The following OR2L3 variants were observed in gnomAD, a reference collection of about 807,000 sequenced individuals.
OR2L3 encodes olfactory receptor 2L3.
For missense variants in OR2L3, 369 were observed against 376.6 expected, an observed-to-expected ratio of 0.98 and a Z score of 0.17; for synonymous variants, 131 against 139.1, an observed-to-expected ratio of 0.94 and a Z score of 0.41.
intron 1 of OR2L3, among the ~76,000 whole-genome samples, chr1:248,053,015 G>A (rs1418207254): frequency 6.6e-6 from 1 of 151,884 alleles, no homozygotes; most frequent in Non-Finnish European, 1.5e-5. Context: ...ATGGGTAAAC[G>A]TGTGCCATGG....
intron 1 of OR2L3, among the ~76,000 whole-genome samples, chr1:248,048,264 TCCTTTACA>T (rs1337529608): frequency 1.3e-5 from 2 of 152,210 alleles, no homozygotes; most frequent in African/African-American, 4.8e-5. Flanking sequence ...TATTCTTTAC[TCCTTTACA>T]CCTTAAAGAG....
chr1:248,061,318 A>T lies in OR2L3; in HGVS notation c.637A>T (p.Ile213Phe). ...TIFLVFPFIA[I>F]SCSYGRVLLA... ...CTTTCTCGTGTTTCCCTTCATTGCTATTTCATGTTCCTATGGCCGGGTTCT... is the reference window on the plus strand; with the variant it reads ...CTTTCTCGTGTTTCCCTTCATTGCTTTTTCATGTTCCTATGGCCGGGTTCT... Residue 213 changes from isoleucine to phenylalanine, a missense_variant, in exon 2 of 2, where the codon ATT (isoleucine) becomes TTT (phenylalanine). Physicochemically the swap from Ile to Phe is conservative, Grantham distance 21. Transcript: ENST00000359959. The T allele has an allele frequency of 6.2e-7, 1 of 1,613,534 alleles. No homozygotes were observed. The highest frequency in any genetic ancestry group is 8.5e-7 in the Non-Finnish European group (1 of 1,179,942).
intron 1 of OR2L3, among the ~76,000 whole-genome samples, chr1:248,051,529 G>C (rs1034913277): frequency 4.1e-4 from 62 of 152,178 alleles, no homozygotes; most frequent in African/African-American, 1.3e-3. Flanking sequence ...TGGGAGCTAA[G>C]CATTGGGTAC....
chr1:248,051,372 A>C (rs1284474583), intron 1 of OR2L3: 1 of 152,210 alleles, frequency 6.6e-6, no homozygotes, highest in Non-Finnish European at 1.5e-5. Context: ...TATACATACT[A>C]TATTTATATT....
chr1:248,059,325 C>T (rs1025799388), intron 1 of OR2L3, among the ~76,000 whole-genome samples: 5 of 152,168 alleles, frequency 3.3e-5, no homozygotes, highest in Admixed American at 6.5e-5. Context: ...GAGTTTCTAA[C>T]GCACCTCTAC....
chr1:248,056,034 C>G (rs919986883), intron 1 of OR2L3: 14 of 152,122 alleles, frequency 9.2e-5, no homozygotes, highest in African/African-American at 3.4e-4. Context: ...TCCATTTCTT[C>G]TAGATTTTCC....
chr1:248,060,350 A>C (rs533700262), intron 1 of OR2L3, among the ~76,000 whole-genome samples: 1 of 152,334 alleles, frequency 6.6e-6, no homozygotes, highest in East Asian at 1.9e-4. Context: ...AAAATAGGTA[A>C]GAAGTCAGAT....
chr1:248,058,743 T>C (rs1484329977), intron 1 of OR2L3, among the ~76,000 whole-genome samples: 2 of 151,996 alleles, frequency 1.3e-5, no homozygotes, highest in Non-Finnish European at 2.9e-5. Flanking sequence ...AGAAAATTTT[T>C]AAAGAATATT....
chr1:248,060,895 T>C lies in OR2L3; in HGVS notation c.214T>C (p.Tyr72His). 1 of 1,613,944 alleles carries C rather than the reference T, an allele frequency of 6.2e-7. No homozygotes were observed. Among genetic ancestry groups the C allele is most frequent in the South Asian group, 1.1e-5 (1 of 91,082 alleles). ...TCAGCTCTCCCTCATTGACCTAAAT[T>C]ACATCTCCACCATTGTTCCTAAGAT... Reference protein sequence around the residue: ...LSQLSLIDLNYISTIVPKMAS... With the variant: ...LSQLSLIDLNHISTIVPKMAS... The change falls in exon 2 of 2, where the codon TAC becomes CAC. Residue 72 changes from tyrosine to histidine, a missense_variant. Tyr to His is a moderately conservative substitution (Grantham distance 83). Coordinates refer to ENST00000359959, the MANE Select transcript of OR2L3 (RefSeq NM_001004687.2).
chr1:248,061,424 C>T lies in OR2L3; in HGVS notation c.743C>T (p.Thr248Ile). ...TGCAGCACCCACCTCACTGTAGTAACTTTCTACTATGCACCTTTTGTCTAC... is the reference window on the plus strand; with the variant it reads ...TGCAGCACCCACCTCACTGTAGTAATTTTCTACTATGCACCTTTTGTCTAC... ...LTCSTHLTVV[T>I]FYYAPFVYTY... Residue 248 changes from threonine (T) to isoleucine (I), a missense_variant, in exon 2 of 2, where the codon ACT becomes ATT. Coordinates refer to ENST00000359959, the MANE Select transcript of OR2L3 (RefSeq NM_001004687.2). 2 of 1,614,084 alleles carry T rather than the reference C, an allele frequency of 1.2e-6. No individual in the cohort carries two copies. The highest frequency in any genetic ancestry group is 8.5e-7 in the Non-Finnish European group (1 of 1,180,004).
chr1:248,049,812 T>G (rs1159668968), intron 1 of OR2L3, among the ~76,000 whole-genome samples: 1 of 152,176 alleles, frequency 6.6e-6, no homozygotes, highest in Non-Finnish European at 1.5e-5. Flanking sequence ...GCCAAAAAAT[T>G]TTGAGGGATG....
At chr1:248,053,865 T>G (rs1663351994) in intron 1 of OR2L3, among the ~76,000 whole-genome samples, 1 of 152,226 alleles carries the variant, frequency 6.6e-6, no homozygotes, top group Non-Finnish European at 1.5e-5. Flanking sequence ...TAGATCTTTG[T>G]CAGATGGATA....
intron 1 of OR2L3, among the ~76,000 whole-genome samples, chr1:248,058,903 T>G (rs549072225): frequency 8.2e-4 from 125 of 152,184 alleles, no homozygotes; most frequent in African/African-American, 2.7e-3. Context: ...AATAGATTTT[T>G]CTTACTTTGC....
chr1:248,052,941 A>G (rs1012551718), intron 1 of OR2L3, among the ~76,000 whole-genome samples: 1 of 151,538 alleles, frequency 6.6e-6, no homozygotes, highest in Non-Finnish European at 1.5e-5. Flanking sequence ...TTTATTTTTA[A>G]TAATTATTTT....
chr1:248,054,850 G>C (rs561517983), intron 1 of OR2L3, among the ~76,000 whole-genome samples: 1 of 152,274 alleles, frequency 6.6e-6, no homozygotes, highest in East Asian at 1.9e-4. Flanking sequence ...GGCTGAGTCA[G>C]TCTGGTTTTC....
intron 1 of OR2L3, among the ~76,000 whole-genome samples, chr1:248,057,927 T>C (rs1387543111): frequency 6.6e-6 from 1 of 152,232 alleles, no homozygotes; most frequent in East Asian, 1.9e-4. Context: ...GAAATAATTT[T>C]AGTTCTTTCT....
intron 1 of OR2L3, among the ~76,000 whole-genome samples, chr1:248,052,033 C>A (rs1458112267): frequency 1.3e-5 from 2 of 152,116 alleles, no homozygotes; most frequent in Non-Finnish European, 1.5e-5. Context: ...TTTTTACTTA[C>A]AATTTTTTCA....
In OR2L3 at chr1:248,060,721, T is replaced by C. The variant is rs891719294; in HGVS notation, c.40T>C (p.Leu14=). The change falls in exon 2 of 2, where the codon TTA becomes CTA. Residue 14 remains leucine (L), a synonymous_variant. Transcript: ENST00000359959. ...TCAAACATCAACTGATTTCATCTTA[T>C]TAGGATTCTTCCCACCATCAAGAAT... ...YNQTSTDFIL[L]GFFPPSRIGL... 2 of 1,613,876 alleles carry C rather than the reference T, an allele frequency of 1.2e-6. No homozygotes were observed. Among genetic ancestry groups the C allele is most frequent in the African/African-American group, 2.7e-5 (2 of 74,910 alleles).
intron 1 of OR2L3, among the ~76,000 whole-genome samples, chr1:248,052,049 C>A (rs896914170): frequency 3.3e-5 from 5 of 152,128 alleles, no homozygotes; most frequent in African/African-American, 1.2e-4. Flanking sequence ...TTTCAACTTG[C>A]AGTGGGTTTG....
Sources: gnomAD v4.1 joint callset for allele counts (sites outside exome capture counted in the v4.1 genomes callset) on GRCh38, gnomAD v4.1.1 for gene constraint, MANE v1.5 for transcripts, NCBI Gene and HGNC (gene_info 2026-07-23, HGNC 2026-07-21) for gene names.